SMURF2: variants seen among roughly 807,000 people sequenced by gnomAD.
The protein encoded by SMURF2 is E3 ubiquitin-protein ligase SMURF2.
In SMURF2, 48 loss-of-function variants were observed where a neutral mutation model predicts 109.6. The observed-to-expected ratio is 0.44, with a 90% CI of 0.35 to 0.56. The LOEUF is 0.56. SMURF2 is among the 20% of genes least tolerant of loss of function. SMURF2 has a pLI of 0.01. For synonymous variants in SMURF2, 288 were observed against 317.1 expected (o/e 0.91, Z 0.97); for missense variants, 575 against 909.0 (o/e 0.63, Z 4.72).
intron 1 of SMURF2, among the ~76,000 whole-genome samples, chr17:64,649,296 C>T (rs1970604079): frequency 6.6e-6 from 1 of 152,072 alleles, no homozygotes; most frequent in African/African-American, 2.4e-5. Context: ...TGCAGAAATA[C>T]CCCCATCTAC....
At chr17:64,637,108 T>C (rs1970427394) in intron 1 of SMURF2, among the ~76,000 whole-genome samples, 1 of 151,554 alleles carries the variant, frequency 6.6e-6, no homozygotes, top group African/African-American at 2.4e-5. Context: ...CAATCCAAAG[T>C]CTTGTGTTTC....
chr17:64,565,589 T>G (rs1969288695), intron 10 of SMURF2, among the ~76,000 whole-genome samples: 1 of 151,666 alleles, frequency 6.6e-6, no homozygotes, highest in African/African-American at 2.4e-5. Flanking sequence ...GTAATTAGTG[T>G]TACTGGAATC....
At chr17:64,596,858 T>G (rs541448107) in intron 3 of SMURF2, among the ~76,000 whole-genome samples, 3 of 152,188 alleles carry the variant, frequency 2.0e-5, no homozygotes, top group Non-Finnish European at 4.4e-5. Context: ...ACTTCTCATT[T>G]CTATCTAGGA....
In SMURF2 at chr17:64,562,765, A is replaced by G. The variant is rs1969240539; in HGVS notation, c.1212+6T>C. 3.1e-6 allele frequency: 5 copies of G among 1,611,086 alleles called. No individual in the cohort carries two copies. In the East Asian group the frequency reaches 1.1e-4, roughly 36 times the overall value. Reference sequence around the variant, plus strand: ...TAGTAAAACAAAATAAGGCTCGTAAATTTACCTCAAAAATCTCTTCCCTGG... The same window carrying G: ...TAGTAAAACAAAATAAGGCTCGTAAGTTTACCTCAAAAATCTCTTCCCTGG... On this transcript the variant is annotated splice_donor_region_variant and intron_variant, in intron 11 of 18. Coordinates refer to ENST00000262435, the MANE Select transcript of SMURF2 (RefSeq NM_022739.4).
Position 64,562,977 on chromosome 17 carries a change from A to C in SMURF2, c.1017-11T>G, listed in dbSNP as rs1555684676. 1 of 1,590,412 alleles carries C rather than the reference A, an allele frequency of 6.3e-7. No individual in the cohort carries two copies. Among genetic ancestry groups the C allele is most frequent in the South Asian group, 1.1e-5 (1 of 87,078 alleles). ...AATTGGTTCTGCCGACTAGAAGTAA[A>C]CATAGATGTTATTATTAAAGTATAT... On this transcript the variant is annotated splice_polypyrimidine_tract_variant and intron_variant, in intron 10 of 18. Transcript: ENST00000262435.
intron 1 of SMURF2, among the ~76,000 whole-genome samples, chr17:64,641,318 G>T (rs907254768): frequency 2.6e-5 from 4 of 151,990 alleles, no homozygotes; most frequent in African/African-American, 4.8e-5. Context: ...TTATCTATTA[G>T]ATTAATATAT....
At chr17:64,600,605 TAA>T (rs1555688469) in intron 2 of SMURF2, among the ~76,000 whole-genome samples, 1 of 152,240 alleles carries the variant, frequency 6.6e-6, no homozygotes, top group Non-Finnish European at 1.5e-5. Flanking sequence ...ATTTAGGCGT[TAA>T]GTTTCAAAGA....
At chr17:64,619,427 G>A (rs989198484) in intron 1 of SMURF2, among the ~76,000 whole-genome samples, 3 of 133,740 alleles carry the variant, frequency 2.2e-5, no homozygotes, top group African/African-American at 8.6e-5. Flanking sequence ...CCCGTGAGCC[G>A]AGATCATACC....
rs1969141146 is a variant in SMURF2 at position 64,557,604 on chromosome 17, A to G, written c.1431+4T>C. The G allele has an allele frequency of 1.3e-6, 2 of 1,538,116 alleles. No homozygotes were observed. Among genetic ancestry groups the G allele is most frequent in the Non-Finnish European group, 1.8e-6 (2 of 1,113,444 alleles). ...ACAATTCACATCATAACTTCAAATC[A>G]TACCGGATTAACTGCAGAATCAGGA... On this transcript the variant is annotated splice_donor_region_variant and intron_variant, in intron 13 of 18. Transcript: ENST00000262435.
chr17:64,568,470 A>G (rs189948262), intron 10 of SMURF2, among the ~76,000 whole-genome samples: 1 of 152,262 alleles, frequency 6.6e-6, no homozygotes. Context: ...AGAGAGCCAT[A>G]CTGGCTCTTG....
intron 2 of SMURF2, among the ~76,000 whole-genome samples, chr17:64,605,137 T>C (rs540137987): frequency 6.6e-6 from 1 of 151,578 alleles, no homozygotes; most frequent in Non-Finnish European, 1.5e-5. Context: ...CTGAGACAGA[T>C]AACAGTGATT....
At chr17:64,551,892 G>T (rs1339515199) in intron 15 of SMURF2, among the ~76,000 whole-genome samples, 188 bp from the exon 16 acceptor site, 1 of 152,180 alleles carries the variant, frequency 6.6e-6, no homozygotes, top group Non-Finnish European at 1.5e-5. Context: ...ACAGTTCAAT[G>T]TTGATGAAAA....
At chr17:64,578,263 G>A (rs1969526759) in intron 9 of SMURF2, among the ~76,000 whole-genome samples, 1 of 151,964 alleles carries the variant, frequency 6.6e-6, no homozygotes, top group African/African-American at 2.4e-5. Flanking sequence ...TTTTTTTAAG[G>A]GGAAGCAGGG....
intron 7 of SMURF2, among the ~76,000 whole-genome samples, chr17:64,582,351 A>G (rs1219315521): frequency 6.6e-6 from 1 of 152,208 alleles, no homozygotes; most frequent in Non-Finnish European, 1.5e-5. Context: ...AGGCAAAACA[A>G]AACACTGCAC....
intron 1 of SMURF2, among the ~76,000 whole-genome samples, chr17:64,655,252 C>CTTTTTT (rs749497302): frequency 3.5e-5 from 3 of 85,906 alleles, no homozygotes; most frequent in African/African-American, 5.5e-5. Flanking sequence ...AATGAAATGT[C>CTTTTTT]TTTTTTTTTT....
At position 64,662,023 on chromosome 17, in the gene SMURF2, G is replaced by C; in HGVS notation, c.-143C>G. 9.0e-7 allele frequency: 1 copy of C among 1,115,806 alleles called. No homozygotes were observed. Among genetic ancestry groups the C allele is most frequent in the Non-Finnish European group, 1.1e-6 (1 of 913,968 alleles). 69.1% of individuals were successfully genotyped at this position (1,115,806 alleles called of 1,614,324 possible). A position where few individuals can be genotyped will look rare whatever the true frequency, so the allele number is the denominator to read the frequency against. ...GGCCGGAGGGTCCCGGATGTGCCGA[G>C]AGTCGTCGCCATGAGCCGCGGAGGG... On this transcript the variant is annotated 5_prime_UTR_variant, in exon 1 of 19. Transcript: ENST00000262435.
At chr17:64,601,919 A>G (rs1231597904) in intron 2 of SMURF2, among the ~76,000 whole-genome samples, 55 of 143,070 alleles carry the variant, frequency 3.8e-4, no homozygotes, top group Middle Eastern at 3.6e-3. Context: ...ATATAATTAT[A>G]TGTGTGTGTA....
chr17:64,626,310 C>A (rs1970269010), intron 1 of SMURF2, among the ~76,000 whole-genome samples: 1 of 151,108 alleles, frequency 6.6e-6, no homozygotes, highest in South Asian at 2.1e-4. Context: ...CATGAAGGGT[C>A]ATACATGTCC....
At chr17:64,601,691 C>T (rs1307491777) in intron 2 of SMURF2, among the ~76,000 whole-genome samples, 2 of 151,998 alleles carry the variant, frequency 1.3e-5, no homozygotes, top group Non-Finnish European at 2.9e-5. Context: ...AGCAATCCCA[C>T]TACTAGGTAT....
Sources: allele counts gnomAD v4.1 joint callset (sites outside exome capture counted in the v4.1 genomes callset), GRCh38; gene constraint gnomAD v4.1.1; transcripts MANE v1.5; gene names NCBI Gene and HGNC (gene_info 2026-07-23, HGNC 2026-07-21).